Variants in PCDHGA2 observed in about 807,000 individuals in gnomAD.
PCDHGA2 encodes the protein protocadherin gamma-A2.
Under a neutral mutation model 59.2 loss-of-function variants are expected in PCDHGA2, and 40 were observed. That is an observed-to-expected ratio of 0.68 (90% CI 0.52 to 0.88). The LOEUF (loss-of-function observed/expected upper bound fraction) is 0.88. Ranked by LOEUF, PCDHGA2 falls within the 40% of genes least tolerant of loss-of-function variation. The probability of loss-of-function intolerance (pLI) is 0.00; values close to 1 mark genes in which losing one functional copy is unlikely to be tolerated. For missense variants in PCDHGA2, 1,226 were observed against 1,204.0 expected, an observed-to-expected ratio of 1.02 and a Z score of -0.27; for synonymous variants, 560 against 526.0, an observed-to-expected ratio of 1.06 and a Z score of -0.89.
In PCDHGA2 at chr5:141,352,708, G is replaced by A. The variant is rs193159920; in HGVS notation, c.2424+11313G>A. The A allele has an allele frequency of 1.0e-4, 157 of 1,543,660 alleles. No individual in the cohort carries two copies. The African/African-American group carries it at 1.9e-3, about 19-fold the overall frequency. On this transcript the variant is annotated intron_variant, in intron 1 of 3. Transcript: ENST00000394576. The stretch of plus-strand genomic sequence containing the variant: ...AATCTAGTTAAATTTTATATATGGC[G>A]GCCGGGCGCGGTGGCTCAAGCCTGT...
intron 1 of PCDHGA2, chr5:141,404,402 A>T: frequency 6.2e-7 from 1 of 1,613,850 alleles, no homozygotes; most frequent in Non-Finnish European, 8.5e-7. Context: ...TAGCAATGAG[A>T]ATTCTAGAGT....
chr5:141,490,822 C>T lies in PCDHGA2; in HGVS notation c.2425-3985C>T. ...GCGTACCTTTGACTATGAATTGCTG[C>T]AGATGCTGCAGATTGTGGTGGGGGT... On this transcript the variant is annotated intron_variant, in intron 1 of 3. Coordinates refer to ENST00000394576, the MANE Select transcript of PCDHGA2 (RefSeq NM_018915.4). This position sits in a 1 kb window ranked among gnomAD's most constrained non-coding sequence, Gnocchi z 5.4. 2 of 1,613,842 alleles carry T rather than the reference C, an allele frequency of 1.2e-6. No individual in the cohort carries two copies. Among genetic ancestry groups the T allele is most frequent in the Non-Finnish European group, 1.7e-6 (2 of 1,179,790 alleles).
chr5:141,371,882 G>A, intron 1 of PCDHGA2: 2 of 1,613,432 alleles, frequency 1.2e-6, no homozygotes, highest in South Asian at 1.1e-5. Context: ...CCAGTGACCT[G>A]GAGCCGCGGG....
rs529565659 is a variant in PCDHGA2, at chr5:141,353,974, T to C, written c.2424+12579T>C. 7.9e-5 allele frequency among the ~76,000 whole-genome samples: 12 copies of C among 152,368 alleles called. 1 individual carries two copies. The East Asian group carries it at 2.3e-3, about 29-fold the overall frequency. On this transcript the variant is annotated intron_variant, in intron 1 of 3. Transcript: ENST00000394576. ...GGAATAAGCTTAAGAACTGATGTAC[T>C]GCTTTATCTCAAATTTTCACAGATT...
At chr5:141,415,737 A>G in intron 1 of PCDHGA2, 1 of 574,948 alleles carries the variant, frequency 1.7e-6, no homozygotes, top group Non-Finnish European at 2.5e-6. Flanking sequence ...GATGTTTATT[A>G]AGGTTTTTTT....
chr5:141,357,217 G>A, intron 1 of PCDHGA2: 1 of 1,613,820 alleles, frequency 6.2e-7, no homozygotes, highest in Non-Finnish European at 8.5e-7. Flanking sequence ...AGATGTCCTG[G>A]CTGACTTGGG....
At position 141,403,568 on chromosome 5, in the gene PCDHGA2, ACTGCCCACCAC is replaced by A. The variant is rs758329896; in HGVS notation, c.2424+62177_2424+62187del. On this transcript the variant is annotated intron_variant, in intron 1 of 3. Coordinates refer to ENST00000394576, the MANE Select transcript of PCDHGA2 (RefSeq NM_018915.4). The stretch of plus-strand genomic sequence containing the variant: ...GCGCGCCCTGGACAGGGAGGAGGCA[ACTGCCCACCAC>A]CTGGTCCTCACGGCCTCGGATGGCG... The A allele has an allele frequency of 2.5e-6, 4 of 1,613,918 alleles. No individual in the cohort carries two copies. In the South Asian group the frequency reaches 4.4e-5, roughly 18 times the overall value.
Position 141,340,119 on chromosome 5 carries a change from C to A in PCDHGA2, c.1148C>A (p.Thr383Asn). The change falls in exon 1 of 4, where the codon ACC becomes AAC. Residue 383 changes from threonine to asparagine, a missense_variant. Physicochemically the swap from Thr to Asn is moderately conservative, Grantham distance 65 (BLOSUM62 0). Transcript: ENST00000394576. Reference protein sequence around the residue: ...DRDSGQNAFTTCSLPEDLPFK... With the variant: ...DRDSGQNAFTNCSLPEDLPFK... Reference sequence around the variant, plus strand: ...GACTCTGGGCAGAACGCATTCACCACCTGTTCACTCCCCGAGGATCTTCCT... The same window carrying A: ...GACTCTGGGCAGAACGCATTCACCAACTGTTCACTCCCCGAGGATCTTCCT... The A allele has an allele frequency of 6.2e-7, 1 of 1,614,128 alleles. No individual in the cohort carries two copies.
intron 1 of PCDHGA2, among the ~76,000 whole-genome samples, chr5:141,387,209 T>C (rs911946032): frequency 1.3e-5 from 2 of 152,170 alleles, no homozygotes; most frequent in African/African-American, 4.8e-5. Flanking sequence ...ACTGATACTC[T>C]CCGGAAAAAG....
chr5:141,460,669 TTATATATC>T (rs1176483278), intron 1 of PCDHGA2, among the ~76,000 whole-genome samples: 1 of 152,032 alleles, frequency 6.6e-6, no homozygotes, highest in African/African-American at 2.4e-5. Flanking sequence ...GTAAACACAG[TTATATATC>T]TATATATCCA....
rs369665414 is a variant in PCDHGA2 at position 141,341,361 on chromosome 5, T to C, written c.2390T>C (p.Leu797Pro). 1.2e-5 allele frequency: 19 copies of C among 1,614,142 alleles called. No individual in the cohort carries two copies. The Middle Eastern group carries it at 9.9e-4, about 84-fold the overall frequency. ...KKDFLSAPQS[L>P]LEEEREETFS... is the part of the protein sequence containing the mutation. The stretch of plus-strand genomic sequence containing the variant: ...GATTTTTTATCAGCGCCTCAATCTC[T>C]ACTCGAAGAAGAAAGAGAAGAAACG... Residue 797 changes from leucine to proline, a missense_variant, in exon 1 of 4, where the codon CTA (leucine) becomes CCA (proline). By Grantham distance (98) the Leu-to-Pro change is moderately conservative. Transcript: ENST00000394576.
At chr5:141,413,333 C>T in intron 1 of PCDHGA2, 1 of 1,613,966 alleles carries the variant, frequency 6.2e-7, no homozygotes, top group Non-Finnish European at 8.5e-7. Context: ...GGCAACATCT[C>T]CAAGGACTTG....
intron 1 of PCDHGA2, chr5:141,390,221 C>T (rs764241687): frequency 5.8e-5 from 94 of 1,614,004 alleles, no homozygotes; most frequent in African/African-American, 2.0e-4. Context: ...ACATACTTTG[C>T]GGTGATTCAT....
At chr5:141,446,069 C>T (rs552817495) in intron 1 of PCDHGA2, among the ~76,000 whole-genome samples, 1 of 152,102 alleles carries the variant, frequency 6.6e-6, no homozygotes, top group South Asian at 2.1e-4. Flanking sequence ...AAAGGGGAGG[C>T]AGTGGATGTA....
At chr5:141,398,521 A>C in intron 1 of PCDHGA2, 1 of 1,613,690 alleles carries the variant, frequency 6.2e-7, no homozygotes, top group Non-Finnish European at 8.5e-7. Context: ...CCACACGCCA[A>C]AATTCACGCA....
intron 1 of PCDHGA2, among the ~76,000 whole-genome samples, chr5:141,455,844 T>TA (rs2098833146): frequency 6.6e-6 from 1 of 150,818 alleles, no homozygotes; most frequent in Non-Finnish European, 1.5e-5. Flanking sequence ...TCTATCTGCA[T>TA]AAAATAATTT....
At chr5:141,394,868 C>T in intron 1 of PCDHGA2, 1 of 1,613,828 alleles carries the variant, frequency 6.2e-7, no homozygotes, top group Non-Finnish European at 8.5e-7. Flanking sequence ...TCGACCCGAA[C>T]GATTCGAGCC....
chr5:141,492,934 G>A (rs1382515835), intron 1 of PCDHGA2, among the ~76,000 whole-genome samples: 7 of 152,236 alleles, frequency 4.6e-5, no homozygotes, highest in Admixed American at 4.6e-4. Flanking sequence ...TAGGGTCAGA[G>A]ATTTGGAGGT....
At chr5:141,375,313 A>C in intron 1 of PCDHGA2, 1 of 1,613,824 alleles carries the variant, frequency 6.2e-7, no homozygotes, top group Non-Finnish European at 8.5e-7. Context: ...ATGCAGCTCT[A>C]GACCGGGAAG....
Sources: allele counts gnomAD v4.1 joint callset (sites outside exome capture counted in the v4.1 genomes callset), GRCh38; gene constraint gnomAD v4.1.1; non-coding constraint Gnocchi (gnomAD v3.1); transcripts MANE v1.5; gene names NCBI Gene and HGNC (gene_info 2026-07-23, HGNC 2026-07-21).